NCKAP5: variants seen among roughly 807,000 people sequenced by gnomAD.
NCKAP5 encodes NCK associated protein 5.
NCKAP5 carries 92 observed loss-of-function variants against 167.0 expected under a neutral mutation model. The observed-to-expected ratio is 0.55, with a 90% CI of 0.47 to 0.66. NCKAP5 has a LOEUF of 0.66. NCKAP5 is among the 30% of genes least tolerant of loss of function. The pLI is 0.00. For missense variants in NCKAP5, 2,378 were observed against 2,315.0 expected, an observed-to-expected ratio of 1.03 and a Z score of -0.56; for synonymous variants, 891 against 877.4, an observed-to-expected ratio of 1.02 and a Z score of -0.27.
Position 132,875,457 on chromosome 2 carries a change from C to G in NCKAP5, c.648+3391G>C, listed in dbSNP as rs184312670. Among the ~76,000 whole-genome samples, 12 of 152,302 alleles carry G rather than the reference C, an allele frequency of 7.9e-5. No individual in the cohort carries two copies. The East Asian group carries it at 1.9e-3, about 25-fold the overall frequency. ...TGCTCTGTGACTTTCTCTCACCTCC[C>G]TACTCTATGACTGTCCATCCCTTGC... On this transcript the variant is annotated intron_variant, in intron 9 of 19. Transcript: ENST00000409261.
At chr2:133,626,577 T>C in the NCKAP5 span, among the ~76,000 whole-genome samples, 1 of 152,114 alleles carries the variant, frequency 6.6e-6, no homozygotes, top group Non-Finnish European at 1.5e-5. Flanking sequence ...AAAGATATTA[T>C]GACACAATTG....
the NCKAP5 span, among the ~76,000 whole-genome samples, chr2:133,623,563 T>C: frequency 6.6e-6 from 1 of 151,668 alleles, no homozygotes; most frequent in South Asian, 2.1e-4. Flanking sequence ...TCAACACCAC[T>C]AATTATTAGG....
intron 5 of NCKAP5, among the ~76,000 whole-genome samples, chr2:133,173,373 T>C (rs1183960667): frequency 6.6e-6 from 1 of 152,174 alleles, no homozygotes; most frequent in Admixed American, 6.5e-5. Flanking sequence ...CTCAGGTTAT[T>C]TTGAACTTTT....
the NCKAP5 span, among the ~76,000 whole-genome samples, chr2:133,634,642 T>G: frequency 2.6e-5 from 4 of 152,180 alleles, no homozygotes; most frequent in African/African-American, 9.7e-5. Context: ...ACATTTTGTT[T>G]GCTTTGAAGA....
chr2:133,468,815 A>G (rs1692809053), intron 3 of NCKAP5, among the ~76,000 whole-genome samples: 1 of 152,302 alleles, frequency 6.6e-6, no homozygotes, highest in African/African-American at 2.4e-5. Flanking sequence ...CTGTTTTATC[A>G]GAGAGTAGGT....
At chr2:132,692,317 G>A (rs959738450) in intron 19 of NCKAP5, among the ~76,000 whole-genome samples, 2 of 151,596 alleles carry the variant, frequency 1.3e-5, no homozygotes, top group Admixed American at 1.3e-4. Flanking sequence ...TAATTTTGTT[G>A]TTGTTGTTGT....
At chr2:132,743,139 C>G (rs1472393956) in intron 16 of NCKAP5, among the ~76,000 whole-genome samples, 1 of 151,810 alleles carries the variant, frequency 6.6e-6, no homozygotes, top group East Asian at 1.9e-4. Context: ...AATTTGATCT[C>G]TGAATCAAGG....
chr2:133,421,123 C>T (rs1689448426), intron 3 of NCKAP5, among the ~76,000 whole-genome samples: 1 of 152,144 alleles, frequency 6.6e-6, no homozygotes, highest in Non-Finnish European at 1.5e-5. Context: ...GCTAGACTCG[C>T]CTAAAACAAT....
intron 3 of NCKAP5, among the ~76,000 whole-genome samples, chr2:133,337,483 C>A (rs963835277): frequency 6.6e-6 from 1 of 152,060 alleles, no homozygotes; most frequent in Non-Finnish European, 1.5e-5. Flanking sequence ...CATACATTAC[C>A]CCCAGTACTT....
chr2:133,431,021 G>A (rs762919420), intron 3 of NCKAP5, among the ~76,000 whole-genome samples: 4 of 151,962 alleles, frequency 2.6e-5, no homozygotes, highest in Non-Finnish European at 5.9e-5. Flanking sequence ...AAGAAAGACA[G>A]AGAGAGAGAC....
At chr2:133,260,321 G>T (rs749683450) in intron 4 of NCKAP5, among the ~76,000 whole-genome samples, 3 of 152,190 alleles carry the variant, frequency 2.0e-5, no homozygotes, top group Non-Finnish European at 2.9e-5. Flanking sequence ...GGCAGGAAAG[G>T]AGGCCTTCCA....
At chr2:133,344,407 CAAA>C (rs376699332) in intron 3 of NCKAP5, among the ~76,000 whole-genome samples, 3 of 90,210 alleles carry the variant, frequency 3.3e-5, no homozygotes, top group African/African-American at 7.2e-5. Flanking sequence ...AACTTTGTCT[CAAA>C]AAAAAAAAAA....
Position 132,783,340 on chromosome 2 carries a change from G to A in NCKAP5, c.3471C>T (p.Pro1157=). ...CGGTGGAACTTTTCCTGAGCAGCTGGGGAGACTTCATGAGCACTTTGAGTC... is the reference window on the plus strand; with the variant it reads ...CGGTGGAACTTTTCCTGAGCAGCTGAGGAGACTTCATGAGCACTTTGAGTC... The part of the protein sequence containing the change: ...PVGLKVLMKS[P]QLLRKSSTVP... The change falls in exon 14 of 20, where the codon CCC becomes CCT. Residue 1157 remains proline, a synonymous_variant. Coordinates refer to ENST00000409261, the MANE Select transcript of NCKAP5 (RefSeq NM_207363.3). 1 of 1,613,664 alleles carries A rather than the reference G, an allele frequency of 6.2e-7. No homozygotes were observed. The highest frequency in any genetic ancestry group is 8.5e-7 in the Non-Finnish European group (1 of 1,179,794).
chr2:132,701,833 TC>T (rs1369039728), intron 19 of NCKAP5, among the ~76,000 whole-genome samples: 1 of 152,184 alleles, frequency 6.6e-6, no homozygotes, highest in African/African-American at 2.4e-5. Flanking sequence ...CTTTCTTTGG[TC>T]CTCAATTTAA....
chr2:133,421,135 CTCTG>C (rs1451589140), intron 3 of NCKAP5, among the ~76,000 whole-genome samples: 1 of 152,278 alleles, frequency 6.6e-6, no homozygotes, highest in Admixed American at 6.5e-5. Context: ...TAAAACAATT[CTCTG>C]TCTGCTGTCT....
At chr2:132,964,434 G>A (rs550962147) in intron 7 of NCKAP5, among the ~76,000 whole-genome samples, 91 of 152,120 alleles carry the variant, frequency 6.0e-4, no homozygotes, top group Non-Finnish European at 1.1e-3. Context: ...TTCAGCATTC[G>A]TACTATGGCC....
chr2:132,967,463 G>A (rs1389702345), intron 7 of NCKAP5, among the ~76,000 whole-genome samples: 1 of 152,158 alleles, frequency 6.6e-6, no homozygotes, highest in Non-Finnish European at 1.5e-5. Flanking sequence ...TTTGGTGAAA[G>A]AGAAAATTTT....
At chr2:132,871,820 TAG>T (rs1299107672) in intron 9 of NCKAP5, among the ~76,000 whole-genome samples, 1 of 152,218 alleles carries the variant, frequency 6.6e-6, no homozygotes, top group Non-Finnish European at 1.5e-5. Context: ...AGGCAGATTA[TAG>T]ACATGCTTTC....
intron 9 of NCKAP5, among the ~76,000 whole-genome samples, chr2:132,876,105 G>A (rs1246336618): frequency 2.0e-5 from 3 of 152,118 alleles, no homozygotes; most frequent in Non-Finnish European, 4.4e-5. Flanking sequence ...ATTTATTTGA[G>A]ATGAGGTTTC....
Sources: gnomAD v4.1 joint callset for allele counts (sites outside exome capture counted in the v4.1 genomes callset) on GRCh38, gnomAD v4.1.1 for gene constraint, MANE v1.5 for transcripts, NCBI Gene and HGNC (gene_info 2026-07-23, HGNC 2026-07-21) for gene names.